Variants in GAL3ST1 observed in about 807,000 individuals in gnomAD.
GAL3ST1 encodes the protein galactose-3-O-sulfotransferase 1, also known as galactosylceramide sulfotransferase.
In GAL3ST1, 13 loss-of-function variants were observed where a neutral mutation model predicts 25.0. The observed-to-expected ratio is 0.52, with a 90% CI of 0.34 to 0.83. The LOEUF is 0.83. Ranked by LOEUF, GAL3ST1 falls within the 40% of genes least tolerant of loss-of-function variation. The pLI, the probability that GAL3ST1 is intolerant of heterozygous loss-of-function variation, is 0.02. For missense variants in GAL3ST1, 474 were observed against 613.6 expected (o/e 0.77, Z 2.40); for synonymous variants, 274 against 277.8 (o/e 0.99, Z 0.14).
At chr22:30,569,561 C>T (rs2086720484) in intron 1 of GAL3ST1, among the ~76,000 whole-genome samples, 1 of 151,360 alleles carries the variant, frequency 6.6e-6, no homozygotes, top group African/African-American at 2.4e-5. Context: ...TCATAGAATG[C>T]CTGAAGAGCA....
At chr22:30,557,626 T>G (rs2086121711) in intron 2 of GAL3ST1, 2 of 465,720 alleles carry the variant, frequency 4.3e-6, no homozygotes, top group Non-Finnish European at 7.6e-6. Context: ...AAAGAGAGGT[T>G]GGGGAATGGG....
intron 1 of GAL3ST1, chr22:30,560,890 C>T (rs2086370622): frequency 6.6e-6 from 1 of 152,338 alleles, no homozygotes; most frequent in African/African-American, 2.4e-5. Flanking sequence ...CCCCCCCAAC[C>T]CCATTACTGG....
chr22:30,567,328 A>G (rs910267170), intron 1 of GAL3ST1, among the ~76,000 whole-genome samples: 2 of 152,242 alleles, frequency 1.3e-5, no homozygotes, highest in Non-Finnish European at 2.9e-5. Flanking sequence ...GCTGGAGTAC[A>G]GTGGCGTGAT....
At chr22:30,557,672 A>C in intron 2 of GAL3ST1, 1 of 329,754 alleles carries the variant, frequency 3.0e-6, no homozygotes. Context: ...ATTAAAATGA[A>C]CCGGGTAGAG....
At chr22:30,563,553 C>T (rs2086516844) in intron 1 of GAL3ST1, among the ~76,000 whole-genome samples, 1 of 151,888 alleles carries the variant, frequency 6.6e-6, no homozygotes. Context: ...GAGGTCGAGG[C>T]TGCAGTGAGC....
At chr22:30,571,991 C>G (rs966996894) in intron 1 of GAL3ST1, among the ~76,000 whole-genome samples, 21 of 152,184 alleles carry the variant, frequency 1.4e-4, no homozygotes, top group African/African-American at 3.9e-4. Context: ...ACGGCAAAGC[C>G]AAAATGAGGA....
rs181040170 is a variant in GAL3ST1, at chr22:30,561,738, G to A, written c.-119-3350C>T. On this transcript the variant is annotated intron_variant, in intron 1 of 3. Coordinates refer to ENST00000406361, the MANE Select transcript of GAL3ST1 (RefSeq NM_001318104.2). ...CAGCAGGGTCCCGTCTCTGTGGGCT[G>A]AGCCTGCGGCCAGGATAAGGGGAGG... Among the ~76,000 whole-genome samples the A allele has an allele frequency of 2.0e-3, 309 of 152,338 alleles. 2 individuals carry two copies. The highest frequency in any genetic ancestry group is 5.6e-3 in the Admixed American group (85 of 15,300).
intron 1 of GAL3ST1, among the ~76,000 whole-genome samples, chr22:30,561,362 C>A (rs2146383880): frequency 6.6e-6 from 1 of 152,268 alleles, no homozygotes; most frequent in South Asian, 2.1e-4. Flanking sequence ...AGGAGCCAGG[C>A]CCAAAGCAGG....
In GAL3ST1 at chr22:30,556,030, G is replaced by C; in HGVS notation, c.195C>G (p.Ala65=). ...PALEPEAVIR[A]NGSAGECQPR... ...GCTGGCACTCCCCCGCCGAGCCGTT[G>C]GCCCGGATCACTGCCTCTGGCTCGA... is the stretch of plus-strand genomic sequence containing the variant. The change falls in exon 4 of 4, where the codon GCC becomes GCG. Residue 65 remains alanine (A), a synonymous_variant. Transcript: ENST00000406361. 1 of 1,612,954 alleles carries C rather than the reference G, an allele frequency of 6.2e-7. No homozygotes were observed. Among genetic ancestry groups the C allele is most frequent in the African/African-American group, 1.3e-5 (1 of 75,066 alleles).
intron 2 of GAL3ST1, 106 bp downstream of exon 2, chr22:30,558,173 G>A (rs1324526853): frequency 6.6e-6 from 1 of 151,890 alleles, no homozygotes; most frequent in Non-Finnish European, 1.5e-5. Flanking sequence ...GGATGAGGCA[G>A]GCGGAGTGCT....
At chr22:30,557,443 G>A (rs1166033484) in intron 2 of GAL3ST1, 42 bp from the exon 3 acceptor site, 1 of 1,608,524 alleles carries the variant, frequency 6.2e-7, no homozygotes. Flanking sequence ...CAGGAAGCTG[G>A]CCCCAGGGAG....
At chr22:30,556,231 G>A (rs2086018285) in intron 3 of GAL3ST1, 138 bp from the exon 4 acceptor site, 2 of 708,056 alleles carry the variant, frequency 2.8e-6, no homozygotes, top group African/African-American at 1.8e-5. Flanking sequence ...CCTGAGTCCA[G>A]GCTGGGTGCC....
chr22:30,560,825 T>TGCCCCGCCAATCAGGCTCCACCTG (rs1569001724), intron 1 of GAL3ST1: 1 of 152,116 alleles, frequency 6.6e-6, no homozygotes, highest in Admixed American at 6.6e-5. Flanking sequence ...CCAGCCTCCC[T>TGCCCCGCCAATCAGGCTCCACCTG]GCCCCGCCAA....
Position 30,555,117 on chromosome 22 carries a change from T to C in GAL3ST1, c.1108A>G (p.Thr370Ala). 1 of 1,611,852 alleles carries C rather than the reference T, an allele frequency of 6.2e-7. No homozygotes were observed. Among genetic ancestry groups the C allele is most frequent in the Non-Finnish European group, 8.5e-7 (1 of 1,179,590 alleles). The change falls in exon 4 of 4, where the codon ACC (threonine) becomes GCC (alanine). Residue 370 changes from threonine to alanine, a missense_variant. Around this residue, in one of 2 missense-constraint regions of GAL3ST1, gnomAD observed 359 missense variants for 504.4 expected, o/e 0.71. Coordinates refer to ENST00000406361, the MANE Select transcript of GAL3ST1 (RefSeq NM_001318104.2). The surrounding 1 kb of genome is among the most constrained non-coding windows in gnomAD (Gnocchi z 8.6). ...EAMQPWQPLG[T>A]KSILGYNLKK... Reference sequence around the variant, plus strand: ...AGGTTGTAGCCCAGGATGGACTTGGTGCCCAGCGGCTGCCAGGGCTGCATG... The same window carrying C: ...AGGTTGTAGCCCAGGATGGACTTGGCGCCCAGCGGCTGCCAGGGCTGCATG...
chr22:30,555,894 C>A lies in GAL3ST1; in HGVS notation c.331G>T (p.Gly111Cys). The change falls in exon 4 of 4, where the codon GGC becomes TGC. Residue 111 changes from glycine to cysteine, a missense_variant. Coordinates refer to ENST00000406361, the MANE Select transcript of GAL3ST1 (RefSeq NM_001318104.2). The surrounding 1 kb of genome is among the most constrained non-coding windows in gnomAD (Gnocchi z 8.6). ...GTCGGGTAGTCGAAGTCATTGCGGCCGTTAGGGAAGGCGAACTTGAGCCGG... is the reference window on the plus strand; with the variant it reads ...GTCGGGTAGTCGAAGTCATTGCGGCAGTTAGGGAAGGCGAACTTGAGCCGG... ...KHRLKFAFPN[G>C]RNDFDYPTFF... 1 of 1,614,172 alleles carries A rather than the reference C, an allele frequency of 6.2e-7. No individual in the cohort carries two copies. The highest frequency in any genetic ancestry group is 1.1e-5 in the South Asian group (1 of 91,088).
intron 1 of GAL3ST1, chr22:30,566,311 T>C (rs1404694113): frequency 1.3e-5 from 2 of 152,194 alleles, no homozygotes; most frequent in Admixed American, 6.5e-5. Flanking sequence ...GGGGCTGTAG[T>C]TTATTAGCGT....
intron 1 of GAL3ST1, among the ~76,000 whole-genome samples, chr22:30,571,206 G>C (rs1040893858): frequency 6.6e-6 from 1 of 152,188 alleles, no homozygotes. Context: ...GACTGAGAAG[G>C]AGCTGGGAAG....
intron 1 of GAL3ST1, among the ~76,000 whole-genome samples, chr22:30,567,713 C>T (rs2086665882): frequency 6.6e-6 from 1 of 151,910 alleles, no homozygotes; most frequent in Non-Finnish European, 1.5e-5. Flanking sequence ...GACAGAGTTG[C>T]ACTCTTGTCA....
At chr22:30,571,473 G>C (rs2086783566) in intron 1 of GAL3ST1, among the ~76,000 whole-genome samples, 1 of 152,184 alleles carries the variant, frequency 6.6e-6, no homozygotes, top group African/African-American at 2.4e-5. Context: ...GGTGGATGCA[G>C]GTGGTAGCTG....
Sources: allele counts gnomAD v4.1 joint callset (sites outside exome capture counted in the v4.1 genomes callset), GRCh38; gene constraint gnomAD v4.1.1; regional missense constraint gnomAD v4.1.1; non-coding constraint Gnocchi (gnomAD v3.1); transcripts MANE v1.5; gene names NCBI Gene and HGNC (gene_info 2026-07-23, HGNC 2026-07-21).